Variants in CTNNA2 observed in about 807,000 individuals in gnomAD.
The protein encoded by CTNNA2 is catenin alpha 2.
Under a neutral mutation model 101.0 loss-of-function variants are expected in CTNNA2, and 42 were observed. The observed-to-expected ratio is 0.42, with a 90% CI of 0.32 to 0.54. CTNNA2 has a LOEUF of 0.54. Ranked by LOEUF, CTNNA2 falls within the 20% of genes least tolerant of loss-of-function variation. The pLI, the probability that CTNNA2 is intolerant of heterozygous loss-of-function variation, is 0.14. For synonymous variants in CTNNA2, 450 were observed against 456.4 expected (o/e 0.99, Z 0.18); for missense variants, 871 against 1,223.1 (o/e 0.71, Z 4.29).
chr2:79,680,410 T>TA, intron 2 of CTNNA2, among the ~76,000 whole-genome samples: 1 of 152,300 alleles, frequency 6.6e-6, no homozygotes, highest in East Asian at 1.9e-4. Context: ...CCCACTGATG[T>TA]ACCTGCATTT....
rs993458444 is a variant in CTNNA2 at position 80,305,550 on chromosome 2, C to G, written c.1057-87661C>G. Among the ~76,000 whole-genome samples, 6 of 152,086 alleles carry G rather than the reference C, an allele frequency of 3.9e-5. No homozygotes were observed. The South Asian group carries it at 6.2e-4, about 16-fold the overall frequency. ...GTGATAGTTTAAGCCATAATGAAGC[C>G]TACCCGTCTCCATACACACATCCTA... On this transcript the variant is annotated intron_variant, in intron 7 of 18. Coordinates refer to ENST00000402739, the MANE Select transcript of CTNNA2 (RefSeq NM_001282597.3).
At chr2:80,139,233 G>A (rs59209796) in intron 7 of CTNNA2, among the ~76,000 whole-genome samples, 20,055 of 152,044 alleles carry the variant, frequency 0.13, 1,533 homozygotes, top group South Asian at 0.32. Context: ...CAATGCACGC[G>A]TCTTGAGTCC....
At chr2:80,584,989 A>G (rs887759706) in intron 14 of CTNNA2, among the ~76,000 whole-genome samples, 1 of 150,568 alleles carries the variant, frequency 6.6e-6, no homozygotes, top group Non-Finnish European at 1.5e-5. Context: ...CAAAGGACCC[A>G]CTCCTTAACT....
chr2:80,196,833 G>C (rs776743168), intron 7 of CTNNA2, among the ~76,000 whole-genome samples: 3 of 152,112 alleles, frequency 2.0e-5, no homozygotes, highest in Non-Finnish European at 4.4e-5. Context: ...CAGCATCTCT[G>C]CTCAAAACTA....
intron 7 of CTNNA2, among the ~76,000 whole-genome samples, chr2:80,021,182 G>T (rs1266085090): frequency 1.3e-5 from 2 of 151,500 alleles, no homozygotes; most frequent in East Asian, 3.9e-4. Context: ...ACCATGCCTG[G>T]CTAATTTTTG....
In CTNNA2 at chr2:79,563,161, G is replaced by GTATA. The variant is rs71385287; in HGVS notation, c.-6+49978_-6+49981dup. 8.9e-3 allele frequency among the ~76,000 whole-genome samples: 696 copies of GTATA among 78,580 alleles called. 7 individuals are homozygous for GTATA. The highest frequency in any genetic ancestry group is 0.026 in the African/African-American group (539 of 21,090). The allele number at this position is 78,580 out of a possible 152,430, so 51.6% of individuals were successfully genotyped here. On this transcript the variant is annotated intron_variant, in intron 1 of 18. Transcript: ENST00000402739. Reference sequence around the variant, plus strand: ...GGAAAACACCTAATAATAAAGATGTGTATATATATATATATATATATATAT... The same window carrying GTATA: ...GGAAAACACCTAATAATAAAGATGTGTATATATATATATATATATATATATATAT...
At chr2:80,508,001 T>A (rs1688407688) in intron 9 of CTNNA2, among the ~76,000 whole-genome samples, 1 of 152,170 alleles carries the variant, frequency 6.6e-6, no homozygotes, top group African/African-American at 2.4e-5. Flanking sequence ...AGACCTGGGA[T>A]CAGTCCTAGC....
chr2:79,343,074 G>T (rs1178846162), intron 3 of CTNNA2, among the ~76,000 whole-genome samples: 1 of 152,122 alleles, frequency 6.6e-6, no homozygotes, highest in African/African-American at 2.4e-5. Flanking sequence ...TGTGCACATT[G>T]ATTTATGTAC....
intron 13 of CTNNA2, chr2:80,578,964 GTTAA>G (rs1339386844): frequency 2.6e-5 from 4 of 152,090 alleles, no homozygotes; most frequent in African/African-American, 9.7e-5. Context: ...TATGAATTTA[GTTAA>G]TTTTTATGGT....
At chr2:80,026,719 C>G (rs752878994) in intron 7 of CTNNA2, among the ~76,000 whole-genome samples, 1 of 152,136 alleles carries the variant, frequency 6.6e-6, no homozygotes, top group African/African-American at 2.4e-5. Context: ...TAACCCAGCT[C>G]TCATTTTATA....
chr2:80,175,319 A>G (rs1705322781), intron 7 of CTNNA2, among the ~76,000 whole-genome samples: 1 of 151,998 alleles, frequency 6.6e-6, no homozygotes, highest in Non-Finnish European at 1.5e-5. Flanking sequence ...CAAATGTTAT[A>G]TTTTTTCATT....
At chr2:80,109,717 A>G (rs1701098413) in intron 7 of CTNNA2, among the ~76,000 whole-genome samples, 1 of 152,154 alleles carries the variant, frequency 6.6e-6, no homozygotes, top group African/African-American at 2.4e-5. Flanking sequence ...TGGCTCTTCA[A>G]TCAAATTACC....
chr2:79,605,393 C>G (rs150258029), intron 1 of CTNNA2, among the ~76,000 whole-genome samples: 28 of 152,080 alleles, frequency 1.8e-4, no homozygotes, highest in African/African-American at 6.7e-4. Context: ...GAAATAATAG[C>G]TAGAAATATT....
chr2:80,039,649 A>G (rs1695905800), intron 7 of CTNNA2, among the ~76,000 whole-genome samples: 1 of 152,140 alleles, frequency 6.6e-6, no homozygotes, highest in African/African-American at 2.4e-5. Context: ...CTGCTTTGAC[A>G]TTTACTGGAG....
chr2:79,762,459 G>T (rs1328428365), intron 3 of CTNNA2, among the ~76,000 whole-genome samples: 1 of 152,064 alleles, frequency 6.6e-6, no homozygotes, highest in Non-Finnish European at 1.5e-5. Context: ...TTGCGTAAAA[G>T]GTGTAATCCT....
At chr2:79,736,099 G>A (rs1170198814) in intron 2 of CTNNA2, among the ~76,000 whole-genome samples, 1 of 152,116 alleles carries the variant, frequency 6.6e-6, no homozygotes, top group African/African-American at 2.4e-5. Context: ...TTTTATCTTA[G>A]TTTTTAATGA....
At chr2:79,948,819 A>T (rs1414562271) in intron 7 of CTNNA2, among the ~76,000 whole-genome samples, 1 of 150,992 alleles carries the variant, frequency 6.6e-6, no homozygotes, top group African/African-American at 2.4e-5. Context: ...ATACAAAAAA[A>T]TAGCCGGGCG....
intron 3 of CTNNA2, among the ~76,000 whole-genome samples, chr2:79,353,827 G>T (rs1677446835): frequency 6.6e-6 from 1 of 152,074 alleles, no homozygotes; most frequent in South Asian, 2.1e-4. Context: ...TTCATGTTTA[G>T]CACTCCCTTA....
At chr2:80,030,688 C>T (rs1695232496) in intron 7 of CTNNA2, 1 of 152,154 alleles carries the variant, frequency 6.6e-6, no homozygotes, top group South Asian at 2.1e-4. Context: ...ATAAAAATAA[C>T]TTCCAGTATC....
Sources: gnomAD v4.1 joint callset for allele counts (sites outside exome capture counted in the v4.1 genomes callset) on GRCh38, gnomAD v4.1.1 for gene constraint, MANE v1.5 for transcripts, NCBI Gene and HGNC (gene_info 2026-07-23, HGNC 2026-07-21) for gene names.